The following VEPH1 variants were observed in gnomAD, a reference collection of about 807,000 sequenced individuals.
VEPH1 encodes ventricular zone expressed PH domain containing 1.
In VEPH1, 80 loss-of-function variants were observed where a neutral mutation model predicts 85.2. The ratio of observed to expected loss-of-function variants is 0.94; its 90% CI spans 0.78 to 1.13. VEPH1 has a LOEUF of 1.13. VEPH1 is among the 50% of genes most tolerant of loss of function. VEPH1 has a pLI of 0.00. For missense variants in VEPH1, 955 were observed against 980.5 expected (o/e 0.97, Z 0.35); for synonymous variants, 297 against 348.0 (o/e 0.85, Z 1.63).
chr3:157,472,954 G>C (rs984166011), intron 2 of VEPH1, among the ~76,000 whole-genome samples: 1 of 151,162 alleles, frequency 6.6e-6, no homozygotes, highest in African/African-American at 2.4e-5. Flanking sequence ...CTTTGCTATT[G>C]AGCTTCACAA....
chr3:157,348,370 A>C (rs62278583), intron 9 of VEPH1, among the ~76,000 whole-genome samples: 1 of 151,872 alleles, frequency 6.6e-6, no homozygotes, highest in Non-Finnish European at 1.5e-5. Flanking sequence ...ATTCCCAACA[A>C]CGTGTAAGAG....
intron 6 of VEPH1, among the ~76,000 whole-genome samples, chr3:157,406,354 C>T (rs1273373078): frequency 6.6e-6 from 1 of 152,140 alleles, no homozygotes; most frequent in Non-Finnish European, 1.5e-5. Context: ...AAATCATCCA[C>T]CCAGCTCCCA....
At chr3:157,394,341 T>C (rs1308417160) in intron 6 of VEPH1, among the ~76,000 whole-genome samples, 1 of 152,196 alleles carries the variant, frequency 6.6e-6, no homozygotes, top group African/African-American at 2.4e-5. Flanking sequence ...ATAAAGTGGG[T>C]TCAGAAGCTT....
At chr3:157,470,059 G>A (rs966580041) in intron 3 of VEPH1, among the ~76,000 whole-genome samples, 22 of 152,062 alleles carry the variant, frequency 1.4e-4, no homozygotes, top group African/African-American at 5.3e-4. Flanking sequence ...CTTTTTATAT[G>A]TATACTCTCC....
intron 6 of VEPH1, among the ~76,000 whole-genome samples, chr3:157,383,127 C>T (rs1449810724): frequency 6.6e-6 from 1 of 152,164 alleles, no homozygotes; most frequent in African/African-American, 2.4e-5. Context: ...CCGTGTCCAG[C>T]CAAAAATCTT....
At chr3:157,381,445 C>T (rs1728761134) in intron 6 of VEPH1, 69 bp from the exon 7 acceptor site, 3 of 1,526,544 alleles carry the variant, frequency 2.0e-6, no homozygotes, top group Admixed American at 3.5e-5. Context: ...GTGGTCATGC[C>T]TGTAATCCCA....
intron 5 of VEPH1, among the ~76,000 whole-genome samples, chr3:157,420,963 T>C (rs1174083557): frequency 1.3e-5 from 2 of 152,192 alleles, no homozygotes; most frequent in African/African-American, 4.8e-5. Flanking sequence ...ATAGACTTGA[T>C]TCTCATAAAG....
chr3:157,468,823 T>C (rs1277048910), intron 3 of VEPH1, among the ~76,000 whole-genome samples: 2 of 152,214 alleles, frequency 1.3e-5, no homozygotes, highest in Non-Finnish European at 2.9e-5. Context: ...TTTTTAAGTG[T>C]ACAGTTCAGT....
intron 4 of VEPH1, among the ~76,000 whole-genome samples, chr3:157,453,550 G>A (rs925769777): frequency 3.9e-5 from 6 of 152,036 alleles, no homozygotes; most frequent in African/African-American, 1.4e-4. Flanking sequence ...ATCATTGCAT[G>A]GATGACCATT....
At chr3:157,490,595 A>T (rs1739139073) in intron 2 of VEPH1, among the ~76,000 whole-genome samples, 1 of 152,164 alleles carries the variant, frequency 6.6e-6, no homozygotes, top group Non-Finnish European at 1.5e-5. Flanking sequence ...GATTAAAAAA[A>T]ACTTTTAAAA....
intron 4 of VEPH1, chr3:157,436,881 A>G: frequency 6.3e-7 from 1 of 1,592,598 alleles, no homozygotes; most frequent in Non-Finnish European, 8.6e-7. Flanking sequence ...AACTCAGCTC[A>G]CTTGAGAGTC....
chr3:157,337,117 A>ATATATATATAAATT (rs1723045650), intron 9 of VEPH1, among the ~76,000 whole-genome samples: 1 of 150,698 alleles, frequency 6.6e-6, no homozygotes, highest in African/African-American at 2.4e-5. Context: ...ATATATTTAT[A>ATATATATATAAATT]TATGTATATA....
At chr3:157,358,779 C>T (rs758041039) in intron 9 of VEPH1, among the ~76,000 whole-genome samples, 5 of 152,120 alleles carry the variant, frequency 3.3e-5, no homozygotes, top group African/African-American at 4.8e-5. Flanking sequence ...GGGCGGATCA[C>T]GAGGTCAGGA....
At chr3:157,272,379 C>T (rs199737876) in intron 12 of VEPH1, among the ~76,000 whole-genome samples, 6,944 of 46,340 alleles carry the variant, frequency 0.15, 202 homozygotes, top group East Asian at 0.25. Context: ...TCTTTCTTTT[C>T]TTTCTTTCTT....
intron 3 of VEPH1, among the ~76,000 whole-genome samples, chr3:157,462,816 T>G (rs73876303): frequency 0.038 from 5,813 of 152,298 alleles, 370 homozygotes; most frequent in African/African-American, 0.13. Context: ...CTCTACCTTT[T>G]GTCTTAAAGG....
chr3:157,367,689 T>C (rs893873977), intron 7 of VEPH1, among the ~76,000 whole-genome samples: 1 of 152,182 alleles, frequency 6.6e-6, no homozygotes, highest in Non-Finnish European at 1.5e-5. Flanking sequence ...ATTTTTAAGT[T>C]TTTAGAGATG....
At chr3:157,410,422 T>C (rs1434945830) in intron 6 of VEPH1, among the ~76,000 whole-genome samples, 2 of 152,180 alleles carry the variant, frequency 1.3e-5, no homozygotes, top group Admixed American at 6.5e-5. Flanking sequence ...TCTGCCTTCA[T>C]GCCCACCTCT....
rs1381788495 is a variant in VEPH1 at position 157,279,588 on chromosome 3, G to A, written c.2128+6969C>T. On this transcript the variant is annotated intron_variant, in intron 12 of 13. Coordinates refer to ENST00000362010, the MANE Select transcript of VEPH1 (RefSeq NM_001167912.2). ...AGCCAATGGGAGGACTCAGTTGGAA[G>A]GGGAATATTGAATAGAGAAGAGAAA... Among the ~76,000 whole-genome samples, 3 of 152,160 alleles carry A rather than the reference G, an allele frequency of 2.0e-5. No homozygotes were observed. In the East Asian group the frequency reaches 5.8e-4, roughly 29 times the overall value.
chr3:157,473,970 T>C (rs1222142055), intron 2 of VEPH1, among the ~76,000 whole-genome samples: 1 of 152,184 alleles, frequency 6.6e-6, no homozygotes, highest in Non-Finnish European at 1.5e-5. Flanking sequence ...TCCTGGAACA[T>C]GTTGTACTGG....
Sources: gnomAD v4.1 joint callset for allele counts (sites outside exome capture counted in the v4.1 genomes callset) on GRCh38, gnomAD v4.1.1 for gene constraint, MANE v1.5 for transcripts, NCBI Gene and HGNC (gene_info 2026-07-23, HGNC 2026-07-21) for gene names.